ACBD6: variants seen among roughly 807,000 people sequenced by gnomAD.
ACBD6 encodes the protein acyl-CoA binding domain containing 6.
A neutral mutation model predicts 37.2 loss-of-function variants in ACBD6; 28 were observed. The observed-to-expected ratio is 0.75, with a 90% CI of 0.56 to 1.03. The LOEUF is 1.03. Among genes scored for constraint, ACBD6 ranks in the 50% least tolerant of loss-of-function variants. The probability of loss-of-function intolerance (pLI) is 0.00; values close to 1 mark genes in which losing one functional copy is unlikely to be tolerated. For synonymous variants in ACBD6, 113 were observed against 126.8 expected (o/e 0.89, Z 0.73); for missense variants, 340 against 337.4 (o/e 1.01, Z -0.06).
chr1:180,449,755 G>A (rs553096399), intron 3 of ACBD6, among the ~76,000 whole-genome samples: 13 of 151,930 alleles, frequency 8.6e-5, no homozygotes, highest in Admixed American at 3.9e-4. Flanking sequence ...ACACACCGGG[G>A]CCTGTTGTAG....
At chr1:180,378,823 C>G (rs991611417) in intron 6 of ACBD6, among the ~76,000 whole-genome samples, 2 of 152,164 alleles carry the variant, frequency 1.3e-5, no homozygotes, top group Non-Finnish European at 2.9e-5. Context: ...TGGCCCACTC[C>G]ACCCATCACA....
At chr1:180,448,990 C>T (rs1269914675) in intron 3 of ACBD6, among the ~76,000 whole-genome samples, 5 of 152,152 alleles carry the variant, frequency 3.3e-5, no homozygotes, top group African/African-American at 1.2e-4. Context: ...ACAGCCACTA[C>T]CATCTTCCCA....
chr1:180,323,235 A>T (rs1651140828), intron 6 of ACBD6, among the ~76,000 whole-genome samples: 1 of 152,084 alleles, frequency 6.6e-6, no homozygotes, highest in Admixed American at 6.5e-5. Flanking sequence ...AAATAGTAGC[A>T]AACTAAATTC....
chr1:180,479,266 T>C (rs1261041541), intron 3 of ACBD6, among the ~76,000 whole-genome samples: 2 of 152,136 alleles, frequency 1.3e-5, no homozygotes, highest in East Asian at 1.9e-4. Context: ...CACGGATGAA[T>C]GAATAAATAA....
chr1:180,328,289 A>G (rs1651333389), intron 6 of ACBD6, among the ~76,000 whole-genome samples: 1 of 151,972 alleles, frequency 6.6e-6, no homozygotes. Context: ...GTGTATATAT[A>G]TGTACACACA....
intron 1 of ACBD6, among the ~76,000 whole-genome samples, chr1:180,499,320 T>G (rs1651860063): frequency 6.6e-6 from 1 of 152,258 alleles, no homozygotes; most frequent in Non-Finnish European, 1.5e-5. Context: ...TTTAGGAGAT[T>G]GATGAAAACT....
intron 7 of ACBD6, among the ~76,000 whole-genome samples, chr1:180,301,425 TAAC>T (rs1650124949): frequency 6.6e-6 from 1 of 152,108 alleles, no homozygotes; most frequent in Admixed American, 6.6e-5. Flanking sequence ...TATGTCTTCT[TAAC>T]AATAAGCCAT....
chr1:180,396,074 A>G (rs1358530596), intron 6 of ACBD6, among the ~76,000 whole-genome samples: 1 of 152,204 alleles, frequency 6.6e-6, no homozygotes, highest in Non-Finnish European at 1.5e-5. Context: ...GATTCCACTT[A>G]TATGAGGTAC....
chr1:180,461,201 A>G (rs1387853151), intron 3 of ACBD6, among the ~76,000 whole-genome samples: 4 of 152,112 alleles, frequency 2.6e-5, no homozygotes, highest in Admixed American at 6.6e-5. Flanking sequence ...AAAAATAGAG[A>G]AAAAAAAGTA....
chr1:180,301,676 C>T (rs779701898), intron 7 of ACBD6, among the ~76,000 whole-genome samples: 1 of 151,958 alleles, frequency 6.6e-6, no homozygotes, highest in Non-Finnish European at 1.5e-5. Context: ...TTTGTATGGG[C>T]CCCCCTTGTG....
At chr1:180,372,338 G>A (rs1653292562) in intron 6 of ACBD6, among the ~76,000 whole-genome samples, 1 of 152,102 alleles carries the variant, frequency 6.6e-6, no homozygotes, top group Non-Finnish European at 1.5e-5. Context: ...GATTAAATAA[G>A]TTACAGACAT....
At chr1:180,313,029 T>TA (rs1160294171) in intron 7 of ACBD6, among the ~76,000 whole-genome samples, 3 of 152,196 alleles carry the variant, frequency 2.0e-5, no homozygotes, top group Admixed American at 2.0e-4. Flanking sequence ...GATTTGATCA[T>TA]ACAGTTTTTT....
intron 6 of ACBD6, among the ~76,000 whole-genome samples, chr1:180,385,692 G>A (rs1345548059): frequency 1.3e-5 from 2 of 152,120 alleles, no homozygotes; most frequent in Non-Finnish European, 2.9e-5. Flanking sequence ...GACCCAGCAA[G>A]ATGGTGGCTA....
chr1:180,344,918 G>A (rs575653589), intron 6 of ACBD6, among the ~76,000 whole-genome samples: 11 of 152,262 alleles, frequency 7.2e-5, no homozygotes, highest in Admixed American at 5.2e-4. Context: ...ATCACATACA[G>A]CATGCTTGTG....
Position 180,323,546 on chromosome 1 carries a change from C to T in ACBD6, c.664-8824G>A, listed in dbSNP as rs184300634. On this transcript the variant is annotated intron_variant, in intron 6 of 7. Coordinates refer to ENST00000367595, the MANE Select transcript of ACBD6 (RefSeq NM_032360.4). ...TATTGGGGTCTCTCTCTCTCTTTAC[C>T]TCTAATAATATTTCCTTTATGTATC... Among the ~76,000 whole-genome samples, 194 of 152,070 alleles carry T rather than the reference C, an allele frequency of 1.3e-3. 1 individual carries two copies. The highest frequency in any genetic ancestry group is 1.2e-4 in the Non-Finnish European group (8 of 67,880).
intron 6 of ACBD6, among the ~76,000 whole-genome samples, chr1:180,350,320 C>G (rs2101891877): frequency 6.6e-6 from 1 of 152,256 alleles, no homozygotes. Context: ...AGGTGTGAGC[C>G]ACCATGCCTG....
chr1:180,285,835 C>T (rs1431100785), downstream of ACBD6, among the ~76,000 whole-genome samples: 2 of 151,860 alleles, frequency 1.3e-5, no homozygotes, highest in Admixed American at 1.3e-4. Flanking sequence ...ATACTAGATA[C>T]AATTCCAGAT....
exon 14 of ACBD6, chr1:180,269,995 T>C (rs1648542739): frequency 1.3e-5 from 2 of 152,256 alleles, no homozygotes; most frequent in Non-Finnish European, 2.9e-5. Flanking sequence ...GGCACGGGTG[T>C]GTCCCCCCTC....
rs1648690591 is a variant in ACBD6, at chr1:180,428,552, C to G, written c.467+1628G>C. 2.0e-5 allele frequency among the ~76,000 whole-genome samples: 3 copies of G among 152,180 alleles called. No homozygotes were observed. The South Asian group carries it at 6.2e-4, about 32-fold the overall frequency. On this transcript the variant is annotated intron_variant, in intron 4 of 7. Coordinates refer to ENST00000367595, the MANE Select transcript of ACBD6 (RefSeq NM_032360.4). ...TTAACCCTTTCAATACAGTTTAACT[C>G]TATCTCAGGATTTCTACTCTCACTA... is the stretch of plus-strand genomic sequence containing the variant.
Sources: gnomAD v4.1 joint callset for allele counts (sites outside exome capture counted in the v4.1 genomes callset) on GRCh38, gnomAD v4.1.1 for gene constraint, MANE v1.5 for transcripts, NCBI Gene and HGNC (gene_info 2026-07-23, HGNC 2026-07-21) for gene names.